Variants in LZTFL1 observed in about 807,000 individuals in gnomAD.
LZTFL1 encodes leucine zipper transcription factor-like protein 1.
LZTFL1 carries 25 observed loss-of-function variants against 45.9 expected under a neutral mutation model. That is an observed-to-expected ratio of 0.54 (90% CI 0.40 to 0.76). LZTFL1 has a LOEUF of 0.76. Ranked by LOEUF, LZTFL1 falls within the 30% of genes least tolerant of loss-of-function variation. The pLI is 0.00. For missense variants in LZTFL1, 277 were observed against 331.1 expected, an observed-to-expected ratio of 0.84 and a Z score of 1.27; for synonymous variants, 93 against 117.4, an observed-to-expected ratio of 0.79 and a Z score of 1.35.
intron 4 of LZTFL1, chr3:45,854,275 T>C: frequency 6.5e-6 from 1 of 152,692 alleles, no homozygotes; most frequent in Non-Finnish European, 1.5e-5. Flanking sequence ...CCATCAAATC[T>C]GCATCTCTGG....
intron 2 of LZTFL1, among the ~76,000 whole-genome samples, chr3:45,882,732 C>T (rs1159757088): frequency 6.6e-6 from 1 of 151,978 alleles, no homozygotes; most frequent in African/African-American, 2.4e-5. Context: ...TTCTAGTCCA[C>T]AGTTATTCCT....
At chr3:45,912,634 C>T (rs1473926917) in intron 2 of LZTFL1, among the ~76,000 whole-genome samples, 2 of 152,208 alleles carry the variant, frequency 1.3e-5, no homozygotes, top group African/African-American at 2.4e-5. Flanking sequence ...CCATCCTAGC[C>T]TAGCCAGCCT....
intron 7 of LZTFL1, among the ~76,000 whole-genome samples, chr3:45,830,334 G>T (rs1575252321): frequency 6.6e-6 from 1 of 152,162 alleles, no homozygotes; most frequent in African/African-American, 2.4e-5. Context: ...ATGACTTCCC[G>T]CAGGCGGAGT....
At chr3:45,897,506 TG>T in intron 2 of LZTFL1, 1 of 1,173,210 alleles carries the variant, frequency 8.5e-7, no homozygotes, top group Non-Finnish European at 1.2e-6. Context: ...TGGAGAAAGC[TG>T]GGTCACCCAG....
intron 2 of LZTFL1, among the ~76,000 whole-genome samples, chr3:45,861,373 T>C (rs531443720): frequency 6.6e-6 from 1 of 152,166 alleles, no homozygotes; most frequent in Non-Finnish European, 1.5e-5. Flanking sequence ...AAGTGCTGTT[T>C]GGTTTGCTGA....
At position 45,842,033 on chromosome 3, in the gene LZTFL1, C is replaced by T. The variant is rs762582933; in HGVS notation, c.-42G>A. On this transcript the variant is annotated 5_prime_UTR_variant, in exon 1 of 10. Transcript: ENST00000296135. ...GGCAGCCTAAAGGAACGGGAGAGGC[C>T]AGGCGGTGCCCCGCCAAGCCTGGGA... 1 of 1,603,140 alleles carries T rather than the reference C, an allele frequency of 6.2e-7. No homozygotes were observed. Among genetic ancestry groups the T allele is most frequent in the South Asian group, 1.1e-5 (1 of 90,046 alleles).
At position 45,828,553 on chromosome 3, in the gene LZTFL1, C is replaced by G. The variant is rs908118734; in HGVS notation, c.663G>C (p.Glu221Asp). 31 of 1,614,072 alleles carry G rather than the reference C, an allele frequency of 1.9e-5. No individual in the cohort carries two copies. Among genetic ancestry groups the G allele is most frequent in the Non-Finnish European group, 2.3e-5 (27 of 1,180,012 alleles). Residue 221 changes from glutamate to aspartate, a missense_variant, in exon 8 of 10, where the codon GAG (glutamate) becomes GAC (aspartate). Coordinates refer to ENST00000296135, the MANE Select transcript of LZTFL1 (RefSeq NM_020347.4). ...TCTTGTCATTAAGTGTCTTCTGAAA[C>G]TCACTCTTTAAGGCAGCGACAGTGT... is the stretch of plus-strand genomic sequence containing the variant. ...LENTVAALKS[E>D]FQKTLNDKTE... is the part of the protein sequence containing the mutation.
chr3:45,906,750 T>A (rs1164296171), intron 2 of LZTFL1, among the ~76,000 whole-genome samples: 1 of 152,170 alleles, frequency 6.6e-6, no homozygotes, highest in African/African-American at 2.4e-5. Context: ...AATTCCTTCA[T>A]GAAGAAGCCA....
upstream of LZTFL1, chr3:45,842,295 A>T (rs1235228895): frequency 1.3e-6 from 1 of 766,852 alleles, no homozygotes; most frequent in African/African-American, 1.8e-5. Flanking sequence ...CTGCAGTTGC[A>T]GAAGGTAGCG....
Position 45,831,086 on chromosome 3 carries a change from G to T in LZTFL1, c.509C>A (p.Thr170Asn), listed in dbSNP as rs200048372. ...ENEKLKSRLK[T>N]IEIQATNALD... ...TTTCTCAGTTACCTGTATTTCAATG[G>T]TCTTCAACCTTGACTTCAATTTCTC... The change falls in exon 6 of 10, where the codon ACC (threonine) becomes AAC (asparagine). Residue 170 changes from threonine to asparagine, a missense_variant. Physicochemically the swap from Thr to Asn is moderately conservative, Grantham distance 65 (BLOSUM62 0). Transcript: ENST00000296135. 128 of 1,606,592 alleles carry T rather than the reference G, an allele frequency of 8.0e-5. 1 individual carries two copies. Among genetic ancestry groups the T allele is most frequent in the Non-Finnish European group, 3.5e-5 (41 of 1,176,530 alleles).
chr3:45,842,255 T>A, upstream of LZTFL1: 2 of 1,154,982 alleles, frequency 1.7e-6, no homozygotes, highest in Non-Finnish European at 2.3e-6. Context: ...AAGTCCCACC[T>A]TTTTGTGCCA....
chr3:45,854,936 A>G (rs1200893193), intron 4 of LZTFL1: 6 of 1,341,430 alleles, frequency 4.5e-6, no homozygotes, highest in Non-Finnish European at 6.1e-6. Context: ...AACAGGAACA[A>G]CCACCACCAA....
chr3:45,890,698 G>A (rs965065920), intron 2 of LZTFL1, among the ~76,000 whole-genome samples: 2 of 152,082 alleles, frequency 1.3e-5, no homozygotes, highest in Non-Finnish European at 2.9e-5. Context: ...GGCTTAGGAG[G>A]AAAGGGGCAG....
At chr3:45,882,350 T>C (rs1443983743) in intron 2 of LZTFL1, among the ~76,000 whole-genome samples, 2 of 152,216 alleles carry the variant, frequency 1.3e-5, no homozygotes, top group African/African-American at 4.8e-5. Context: ...CCAGACACTT[T>C]GGCTTTCCAA....
intron 1 of LZTFL1, among the ~76,000 whole-genome samples, chr3:45,913,944 A>T (rs1442295990): frequency 6.6e-6 from 1 of 152,230 alleles, no homozygotes; most frequent in African/African-American, 2.4e-5. Flanking sequence ...GCCATAAAAA[A>T]GTTATGGTTG....
intron 2 of LZTFL1, among the ~76,000 whole-genome samples, chr3:45,874,984 G>A (rs1028678183): frequency 2.6e-5 from 4 of 152,172 alleles, no homozygotes; most frequent in Non-Finnish European, 4.4e-5. Flanking sequence ...GCCCAACTGA[G>A]GTCAGCTAAG....
intron 2 of LZTFL1, among the ~76,000 whole-genome samples, chr3:45,875,065 A>C (rs1235239837): frequency 1.3e-5 from 2 of 152,200 alleles, no homozygotes; most frequent in African/African-American, 4.8e-5. Context: ...TAAATAAATA[A>C]TTGTTGTTTA....
intron 2 of LZTFL1, chr3:45,902,132 G>A: frequency 2.2e-6 from 1 of 462,564 alleles, no homozygotes; most frequent in Non-Finnish European, 3.9e-6. Flanking sequence ...ATTCTCAAAG[G>A]AGGACTAAGG....
intron 2 of LZTFL1, among the ~76,000 whole-genome samples, chr3:45,909,220 A>C (rs1168168039): frequency 6.6e-6 from 1 of 152,220 alleles, no homozygotes; most frequent in Non-Finnish European, 1.5e-5. Flanking sequence ...ATGTAATAAT[A>C]ATTAAATAAA....
Sources: allele counts gnomAD v4.1 joint callset (sites outside exome capture counted in the v4.1 genomes callset), GRCh38; gene constraint gnomAD v4.1.1; transcripts MANE v1.5; gene names NCBI Gene and HGNC (gene_info 2026-07-23, HGNC 2026-07-21).